Variants in CABIN1 observed in about 807,000 individuals in gnomAD.
CABIN1 encodes calcineurin-binding protein cabin-1.
In CABIN1, 133 loss-of-function variants were observed where a neutral mutation model predicts 227.7. The observed-to-expected ratio is 0.58, with a 90% confidence interval of 0.51 to 0.67. CABIN1 has a LOEUF of 0.67. CABIN1 is among the 30% of genes least tolerant of loss of function. CABIN1 has a pLI of 0.00. For synonymous variants in CABIN1, 1,086 were observed against 1,155.1 expected, an observed-to-expected ratio of 0.94 and a Z score of 1.21; for missense variants, 2,408 against 2,852.5, an observed-to-expected ratio of 0.84 and a Z score of 3.55.
chr22:24,082,918 C>T (rs1247741166), intron 19 of CABIN1, among the ~76,000 whole-genome samples: 3 of 152,104 alleles, frequency 2.0e-5, no homozygotes, highest in African/African-American at 7.2e-5. Context: ...AGTGAAGTTC[C>T]CAGGAGGCAA....
rs769296459 is a variant in CABIN1 at position 24,091,858 on chromosome 22, G to T, written c.3786+15G>T. ...AGGCCCTGGAGGTGACACCATGCTG[G>T]CCCAGGGCGGGGAAGCAGGGCAGGG... On this transcript the variant is annotated intron_variant, in intron 24 of 36. Coordinates refer to ENST00000263119, the MANE Select transcript of CABIN1 (RefSeq NM_012295.4). 3.1e-6 allele frequency: 5 copies of T among 1,611,536 alleles called. No individual in the cohort carries two copies. The South Asian group carries it at 5.5e-5, about 18-fold the overall frequency.
intron 1 of CABIN1, among the ~76,000 whole-genome samples, chr22:24,031,644 G>A (rs1176993953): frequency 6.6e-6 from 1 of 152,212 alleles, no homozygotes; most frequent in African/African-American, 2.4e-5. Flanking sequence ...GATGCTCAGT[G>A]GGATTAGAGG....
intron 16 of CABIN1, among the ~76,000 whole-genome samples, 170 bp from the exon 17 acceptor site, chr22:24,070,630 C>G (rs2045083930): frequency 6.6e-6 from 1 of 152,258 alleles, no homozygotes; most frequent in Admixed American, 6.5e-5. Context: ...GGCCACTGGA[C>G]TGCCCTTCTA....
intron 27 of CABIN1, 34 bp downstream of exon 27, chr22:24,113,782 T>C (rs1167280247): frequency 2.5e-6 from 4 of 1,610,282 alleles, no homozygotes; most frequent in Non-Finnish European, 3.4e-6. Flanking sequence ...TTAGAACCAC[T>C]TTGATGTCCT....
In CABIN1 at chr22:24,177,967, G is replaced by A; in HGVS notation, c.6520-86G>A. ...GGGCAGGGGTGAGGGTGGGAGGGGGGCCTGGGGCAGGGGTGAAGGTGGCAG... is the reference window on the plus strand; with the variant it reads ...GGGCAGGGGTGAGGGTGGGAGGGGGACCTGGGGCAGGGGTGAAGGTGGCAG... On this transcript the variant is annotated intron_variant, in intron 36 of 36. Transcript: ENST00000263119. This position sits in a 1 kb window ranked among gnomAD's most constrained non-coding sequence, Gnocchi z 4.4. The A allele has an allele frequency of 1.3e-6, 2 of 1,565,572 alleles. No individual in the cohort carries two copies. The highest frequency in any genetic ancestry group is 8.7e-7 in the Non-Finnish European group (1 of 1,148,418).
intron 28 of CABIN1, among the ~76,000 whole-genome samples, chr22:24,122,125 C>CT (rs1416140891): frequency 7.9e-6 from 1 of 126,870 alleles, no homozygotes; most frequent in African/African-American, 3.0e-5. Flanking sequence ...ATATAAAGTG[C>CT]TTAGCTCAGC....
Position 24,177,574 on chromosome 22 carries a change from G to T in CABIN1, c.6276G>T (p.Leu2092=). 1.9e-6 allele frequency: 3 copies of T among 1,600,592 alleles called. No homozygotes were observed. Among genetic ancestry groups the T allele is most frequent in the Non-Finnish European group, 2.6e-6 (3 of 1,170,820 alleles). ...AGGCTGCGAGTGAGACTCAGCCCCT[G>T]AGCTCTCCCCCAACAGCTGCCAGCT... ...AQEAASETQP[L]SSPPTAASSK... The change falls in exon 36 of 37, where the codon CTG becomes CTT. Residue 2092 remains leucine (L), a synonymous_variant. Coordinates refer to ENST00000263119, the MANE Select transcript of CABIN1 (RefSeq NM_012295.4). This position sits in a 1 kb window ranked among gnomAD's most constrained non-coding sequence, Gnocchi z 4.4.
chr22:24,061,048 A>C (rs926092298), intron 12 of CABIN1, among the ~76,000 whole-genome samples: 1 of 152,158 alleles, frequency 6.6e-6, no homozygotes, highest in Non-Finnish European at 1.5e-5. Context: ...ATCCCAAAGC[A>C]CTGGGATGAC....
chr22:24,044,458 A>G (rs1157495548), intron 6 of CABIN1, among the ~76,000 whole-genome samples: 2 of 152,202 alleles, frequency 1.3e-5, no homozygotes, highest in Admixed American at 1.3e-4. Context: ...ATTGTTGGTC[A>G]GTCACACTCA....
At chr22:24,075,831 A>G (rs1431030646) in intron 18 of CABIN1, among the ~76,000 whole-genome samples, 1 of 152,106 alleles carries the variant, frequency 6.6e-6, no homozygotes, top group Admixed American at 6.5e-5. Flanking sequence ...TCTCATTCAA[A>G]ATGCATCAGA....
chr22:24,042,272 C>T (rs2037437214), intron 5 of CABIN1, among the ~76,000 whole-genome samples: 1 of 152,180 alleles, frequency 6.6e-6, no homozygotes, highest in Admixed American at 6.5e-5. Context: ...TTTCTTTCTT[C>T]TCCTTTTACT....
Position 24,098,003 on chromosome 22 carries a change from T to A in CABIN1, c.3939-11T>A. 1.2e-6 allele frequency: 2 copies of A among 1,614,190 alleles called. No individual in the cohort carries two copies. The highest frequency in any genetic ancestry group is 1.7e-6 in the Non-Finnish European group (2 of 1,180,022). The stretch of plus-strand genomic sequence containing the variant: ...GACTCTGACCTGTGCCCCAAACCTC[T>A]GTTCCCACAGGGAGAAGGCCTGCCT... On this transcript the variant is annotated splice_polypyrimidine_tract_variant and intron_variant, in intron 25 of 36. Coordinates refer to ENST00000263119, the MANE Select transcript of CABIN1 (RefSeq NM_012295.4).
intron 5 of CABIN1, among the ~76,000 whole-genome samples, chr22:24,042,593 T>A (rs1417351748): frequency 6.6e-6 from 1 of 152,178 alleles, no homozygotes; most frequent in African/African-American, 2.4e-5. Flanking sequence ...AAAAGAAAAA[T>A]TTTTTTAAAA....
chr22:24,116,838 G>A (rs879642732), intron 27 of CABIN1, among the ~76,000 whole-genome samples: 4 of 152,250 alleles, frequency 2.6e-5, no homozygotes, highest in Non-Finnish European at 5.9e-5. Flanking sequence ...ATGTGGATCA[G>A]ATGGCTCCTG....
intron 6 of CABIN1, among the ~76,000 whole-genome samples, chr22:24,046,669 T>C (rs1436930463): frequency 6.6e-6 from 1 of 152,158 alleles, no homozygotes; most frequent in Non-Finnish European, 1.5e-5. Flanking sequence ...TATGTACATA[T>C]ATAGAAAGAG....
intron 26 of CABIN1, among the ~76,000 whole-genome samples, chr22:24,101,077 G>T (rs560443881): frequency 6.6e-6 from 1 of 152,310 alleles, no homozygotes; most frequent in East Asian, 1.9e-4. Flanking sequence ...TCCTGAGTGG[G>T]CTTGGGCATG....
At chr22:24,014,979 T>A (rs2035136378) in intron 1 of CABIN1, among the ~76,000 whole-genome samples, 2 of 152,056 alleles carry the variant, frequency 1.3e-5, no homozygotes, top group South Asian at 4.1e-4. Context: ...ATAGTATGTT[T>A]TAGGCCAGGC....
At chr22:24,107,458 G>A (rs561031801) in intron 26 of CABIN1, among the ~76,000 whole-genome samples, 2 of 152,276 alleles carry the variant, frequency 1.3e-5, no homozygotes, top group South Asian at 4.1e-4. Flanking sequence ...TCCCTGCCAG[G>A]TCCCTTGGCT....
intron 3 of CABIN1, 37 bp from the exon 4 acceptor site, chr22:24,038,311 T>C (rs1374819576): frequency 2.6e-6 from 4 of 1,537,518 alleles, no homozygotes; most frequent in Non-Finnish European, 9.0e-7. Flanking sequence ...GACAGATCTT[T>C]ATGCTGTATG....
Sources: gnomAD v4.1 joint callset for allele counts (sites outside exome capture counted in the v4.1 genomes callset) on GRCh38, gnomAD v4.1.1 for gene constraint, Gnocchi (gnomAD v3.1) non-coding constraint, MANE v1.5 for transcripts, NCBI Gene and HGNC (gene_info 2026-07-23, HGNC 2026-07-21) for gene names.